LINGO2: variants seen among roughly 807,000 people sequenced by gnomAD.
LINGO2 encodes the protein leucine rich repeat and Ig domain containing 2.
In LINGO2, 14 loss-of-function variants were observed where a neutral mutation model predicts 30.6. The ratio of observed to expected loss-of-function variants is 0.46; its 90% CI spans 0.30 to 0.72. The LOEUF (loss-of-function observed/expected upper bound fraction) is 0.72, where lower values mean the gene tolerates loss of function less well. Among genes scored for constraint, LINGO2 ranks in the 30% least tolerant of loss-of-function variants. LINGO2 has a pLI of 0.07. For synonymous variants in LINGO2, 317 were observed against 288.5 expected (o/e 1.10, Z -1.00); for missense variants, 729 against 751.7 (o/e 0.97, Z 0.35).
chr9:29,072,159 C>T, the LINGO2 span, among the ~76,000 whole-genome samples: 1 of 144,948 alleles, frequency 6.9e-6, no homozygotes, highest in Non-Finnish European at 1.5e-5. Context: ...ATGAAAACAT[C>T]CACATTATAT....
chr9:28,890,793 A>C, the LINGO2 span, among the ~76,000 whole-genome samples: 1 of 152,246 alleles, frequency 6.6e-6, no homozygotes, highest in South Asian at 2.1e-4. Flanking sequence ...ATAAGAGTAG[A>C]TCACCACTTT....
At chr9:28,041,853 G>T (rs1418452565) in intron 4 of LINGO2, among the ~76,000 whole-genome samples, 1 of 152,098 alleles carries the variant, frequency 6.6e-6, no homozygotes, top group Non-Finnish European at 1.5e-5. Flanking sequence ...AAACTCCGTA[G>T]TACCTGGAAT....
the LINGO2 span, among the ~76,000 whole-genome samples, chr9:28,930,116 T>G: frequency 6.6e-6 from 1 of 152,194 alleles, no homozygotes; most frequent in South Asian, 2.1e-4. The surrounding 1 kb of genome is among the most constrained non-coding windows in gnomAD (Gnocchi z 4.2). Context: ...GGATGCCTAG[T>G]GACTGGCAAT....
At chr9:28,419,779 A>AT in intron 2 of LINGO2, among the ~76,000 whole-genome samples, 1 of 151,042 alleles carries the variant, frequency 6.6e-6, no homozygotes, top group Non-Finnish European at 1.5e-5. Flanking sequence ...AATAATAGAA[A>AT]TACTACAAAA....
the LINGO2 span, among the ~76,000 whole-genome samples, chr9:28,874,253 T>C: frequency 6.6e-6 from 1 of 152,066 alleles, no homozygotes; most frequent in Non-Finnish European, 1.5e-5. Context: ...ATATTGGCCA[T>C]TAATTTGAGT....
chr9:28,826,452 T>C, the LINGO2 span, among the ~76,000 whole-genome samples: 12 of 151,968 alleles, frequency 7.9e-5, no homozygotes, highest in Middle Eastern at 6.4e-3. Context: ...CTGCTGGGAG[T>C]TGGATATTGG....
chr9:28,487,073 G>A (rs1209008168), intron 1 of LINGO2, among the ~76,000 whole-genome samples: 1 of 152,072 alleles, frequency 6.6e-6, no homozygotes, highest in Non-Finnish European at 1.5e-5. Context: ...AAAAAGTGGA[G>A]CTCTGCTTGG....
chr9:28,933,793 T>C, the LINGO2 span, among the ~76,000 whole-genome samples: 112,587 of 152,118 alleles, frequency 0.74, 41,820 homozygotes, highest in Non-Finnish European at 0.78. Context: ...TGGACTGGTA[T>C]CACCCTTGTT....
intron 5 of LINGO2, among the ~76,000 whole-genome samples, chr9:27,966,448 T>C (rs1820105099): frequency 6.6e-6 from 1 of 152,136 alleles, no homozygotes; most frequent in African/African-American, 2.4e-5. Flanking sequence ...GAAACCATCA[T>C]CCTCAACAAA....
At chr9:28,059,728 G>C (rs1486771600) in intron 4 of LINGO2, among the ~76,000 whole-genome samples, 1 of 152,040 alleles carries the variant, frequency 6.6e-6, no homozygotes, top group Non-Finnish European at 1.5e-5. Flanking sequence ...AGGCCCTATA[G>C]CCATCATGTT....
At chr9:29,036,425 C>T in the LINGO2 span, among the ~76,000 whole-genome samples, 3 of 151,908 alleles carry the variant, frequency 2.0e-5, no homozygotes, top group Non-Finnish European at 4.4e-5. Context: ...AATAATGAAT[C>T]ATTGTAGTAG....
At chr9:29,179,760 C>T in the LINGO2 span, among the ~76,000 whole-genome samples, 1 of 152,052 alleles carries the variant, frequency 6.6e-6, no homozygotes, top group Non-Finnish European at 1.5e-5. Flanking sequence ...AATATATATC[C>T]TAAAAAATGT....
chr9:28,281,312 A>G (rs993405972), intron 4 of LINGO2, among the ~76,000 whole-genome samples: 1 of 152,096 alleles, frequency 6.6e-6, no homozygotes, highest in African/African-American at 2.4e-5. Context: ...TCAAATTTGA[A>G]TTTTCAGTGT....
chr9:29,023,245 T>G, the LINGO2 span, among the ~76,000 whole-genome samples: 1 of 152,132 alleles, frequency 6.6e-6, no homozygotes, highest in African/African-American at 2.4e-5. Context: ...GCATTTGTCC[T>G]TCATTTTCCA....
chr9:28,928,003 A>G, the LINGO2 span, among the ~76,000 whole-genome samples: 1 of 152,188 alleles, frequency 6.6e-6, no homozygotes, highest in Non-Finnish European at 1.5e-5. Context: ...AAACACTACA[A>G]TGTGCCAGAA....
the LINGO2 span, among the ~76,000 whole-genome samples, chr9:28,780,342 TA>T: frequency 5.3e-5 from 6 of 113,468 alleles, no homozygotes; most frequent in South Asian, 3.5e-4. Flanking sequence ...CTTTTGTGAG[TA>T]AAATTTTTTT....
At chr9:28,169,797 G>A (rs1828531492) in intron 4 of LINGO2, among the ~76,000 whole-genome samples, 1 of 152,132 alleles carries the variant, frequency 6.6e-6, no homozygotes. Context: ...GTATTTCCCA[G>A]ATGAGAGAAA....
intron 4 of LINGO2, among the ~76,000 whole-genome samples, chr9:28,048,278 A>G (rs1469342858): frequency 1.3e-5 from 2 of 151,110 alleles, no homozygotes; most frequent in African/African-American, 2.4e-5. Flanking sequence ...TAAATCTATA[A>G]ATACAGAAAG....
chr9:28,603,731 A>C (rs1160970223), intron 1 of LINGO2, among the ~76,000 whole-genome samples: 1 of 152,032 alleles, frequency 6.6e-6, no homozygotes, highest in Non-Finnish European at 1.5e-5. Context: ...ACTTGCTGCA[A>C]ATATGCTGGC....
Sources: gnomAD v4.1 joint callset for allele counts (sites outside exome capture counted in the v4.1 genomes callset) on GRCh38, gnomAD v4.1.1 for gene constraint, Gnocchi (gnomAD v3.1) non-coding constraint, MANE v1.5 for transcripts, NCBI Gene and HGNC (gene_info 2026-07-23, HGNC 2026-07-21) for gene names.